The following LRP8 variants were observed in gnomAD, a reference collection of about 807,000 sequenced individuals.
LRP8 encodes the protein LDL receptor related protein 8.
In LRP8, 46 loss-of-function variants were observed where a neutral mutation model predicts 111.6. The observed-to-expected ratio is 0.41, with a 90% CI of 0.33 to 0.53. LRP8 has a LOEUF of 0.53. Ranked by LOEUF, LRP8 falls within the 20% of genes least tolerant of loss-of-function variation. LRP8 has a pLI of 0.20. For synonymous variants in LRP8, 464 were observed against 511.2 expected (o/e 0.91, Z 1.24); for missense variants, 959 against 1,297.4 (o/e 0.74, Z 4.01).
rs1305375389 is a variant in LRP8, at chr1:53,245,957, A to G, written c.*1061T>C. 1.3e-5 allele frequency: 2 copies of G among 152,668 alleles called. No individual in the cohort carries two copies. The highest frequency in any genetic ancestry group is 4.8e-5 in the African/African-American group (2 of 41,464). 9.5% of individuals were successfully genotyped at this position (152,668 alleles called of 1,614,324 possible). ...CACCCTTCAGGGTGCTTCAGAGGAA[A>G]CTTACTGAATTCAACCCAAGTGTCC... On this transcript the variant is annotated 3_prime_UTR_variant, in exon 19 of 19. Coordinates refer to ENST00000306052, the MANE Select transcript of LRP8 (RefSeq NM_004631.5).
intron 6 of LRP8, chr1:53,272,639 G>A (rs779981412): frequency 9.0e-5 from 116 of 1,289,418 alleles, no homozygotes; most frequent in East Asian, 1.1e-4. Flanking sequence ...GAATGTTGGC[G>A]GAACTGAAAG....
In LRP8 at chr1:53,253,029, T is replaced by C. The variant is rs190728578; in HGVS notation, c.2503+2088A>G. On this transcript the variant is annotated intron_variant, in intron 16 of 18. Coordinates refer to ENST00000306052, the MANE Select transcript of LRP8 (RefSeq NM_004631.5). ...AAGTCAGGAGAGAAGTATGGATTAT[T>C]CAATGATGGTTTTGGGGAAACTAGA... Among the ~76,000 whole-genome samples, 23 of 152,310 alleles carry C rather than the reference T, an allele frequency of 1.5e-4. No individual in the cohort carries two copies. The Middle Eastern group carries it at 0.01, about 68-fold the overall frequency.
chr1:53,312,933 C>T (rs932997991), intron 2 of LRP8, among the ~76,000 whole-genome samples: 5 of 152,188 alleles, frequency 3.3e-5, no homozygotes, highest in African/African-American at 7.2e-5. Context: ...ATGAAGTGGG[C>T]GTTTTCGCTG....
rs1448967367 is a variant in LRP8, at chr1:53,294,373, G to C, written c.245-4684C>G. Among the ~76,000 whole-genome samples, 1 of 152,176 alleles carries C rather than the reference G, an allele frequency of 6.6e-6. No individual in the cohort carries two copies. The highest frequency in any genetic ancestry group is 1.5e-5 in the Non-Finnish European group (1 of 68,026). On this transcript the variant is annotated intron_variant, in intron 2 of 18. Transcript: ENST00000306052. This position sits in a 1 kb window ranked among gnomAD's most constrained non-coding sequence, Gnocchi z 4.1. ...TGGGAAATCCAGGACAAAGGAAGTG[G>C]GAAATGCTATTTATAACAAGAACAC...
intron 2 of LRP8, among the ~76,000 whole-genome samples, chr1:53,320,477 T>A (rs1288519): frequency 1.3e-5 from 2 of 151,940 alleles, no homozygotes; most frequent in African/African-American, 4.8e-5. Context: ...TTTCTAAGCC[T>A]GGGTGCGAGG....
In LRP8 at chr1:53,303,300, A is replaced by T. The variant is rs1481974828; in HGVS notation, c.245-13611T>A. ...TGGGTCCAGTGAGGTGGTGGGGAGC[A>T]GCCAGTCCTCACAGGGCCTGTGGGA... On this transcript the variant is annotated intron_variant, in intron 2 of 18. Transcript: ENST00000306052. This position sits in a 1 kb window ranked among gnomAD's most constrained non-coding sequence, Gnocchi z 4.3. Among the ~76,000 whole-genome samples, 2 of 152,196 alleles carry T rather than the reference A, an allele frequency of 1.3e-5. No homozygotes were observed. Among genetic ancestry groups the T allele is most frequent in the African/African-American group, 4.8e-5 (2 of 41,448 alleles).
At position 53,266,432 on chromosome 1, in the gene LRP8, C is replaced by T. The variant is rs1646558699; in HGVS notation, c.1427+41G>A. ...TCCTCACCTGTCACCACCCCTCACC[C>T]CCACTCTTCATGCCTTGCTGCAGAG... is the stretch of plus-strand genomic sequence containing the variant. On this transcript the variant is annotated intron_variant, in intron 9 of 18. Transcript: ENST00000306052. The surrounding 1 kb of genome is among the most constrained non-coding windows in gnomAD (Gnocchi z 5.0). 2 of 1,601,436 alleles carry T rather than the reference C, an allele frequency of 1.2e-6. No homozygotes were observed. Among genetic ancestry groups the T allele is most frequent in the African/African-American group, 2.7e-5 (2 of 74,884 alleles).
In LRP8 at chr1:53,284,239, C is replaced by T. The variant is rs866760606; in HGVS notation, c.368-3524G>A. ...CCGGGCCACTTACCTACTACATACC[C>T]GGGCCACTTACTTACTACATACCCG... On this transcript the variant is annotated intron_variant, in intron 3 of 18. Coordinates refer to ENST00000306052, the MANE Select transcript of LRP8 (RefSeq NM_004631.5). 7.2e-4 allele frequency among the ~76,000 whole-genome samples: 107 copies of T among 148,298 alleles called. No homozygotes were observed. In the Middle Eastern group the frequency reaches 0.01, roughly 15 times the overall value.
intron 14 of LRP8, 126 bp downstream of exon 14, chr1:53,258,193 G>A: frequency 1.0e-6 from 1 of 954,632 alleles, no homozygotes; most frequent in Non-Finnish European, 1.5e-6. Context: ...CCCCCAAAAG[G>A]CAACAAGTAA....
At position 53,260,489 on chromosome 1, in the gene LRP8, G is replaced by A. The variant is rs763004514; in HGVS notation, c.2031C>T (p.Ile677=). The change falls in exon 13 of 19, where the codon ATC becomes ATT. Residue 677 remains isoleucine, a synonymous_variant. Transcript: ENST00000306052. ...CTCTTGGCTGCTTCAGCTCATGGAA[G>A]ATGACAATGTCATGTGGGTTGTTGA... ...ENLNNPHDIV[I]FHELKQPRAP... 6.8e-6 allele frequency: 11 copies of A among 1,614,228 alleles called. No individual in the cohort carries two copies. In the Admixed American group the frequency reaches 1.8e-4, roughly 27 times the overall value.
chr1:53,282,189 C>A (rs1041474086), intron 3 of LRP8, among the ~76,000 whole-genome samples: 53 of 152,188 alleles, frequency 3.5e-4, no homozygotes, highest in African/African-American at 1.3e-3. Flanking sequence ...AGTCAAGGTC[C>A]CTGGACACCA....
At chr1:53,323,548 T>A (rs1308673061) in intron 2 of LRP8, among the ~76,000 whole-genome samples, 3 of 152,184 alleles carry the variant, frequency 2.0e-5, no homozygotes, top group African/African-American at 7.2e-5. Flanking sequence ...CCACCCGACT[T>A]CCCCTGGCTG....
Position 53,245,908 on chromosome 1 carries a change from C to T in LRP8, c.*1110G>A, listed in dbSNP as rs993967900. 2.6e-5 allele frequency: 4 copies of T among 152,644 alleles called. No homozygotes were observed. Among genetic ancestry groups the T allele is most frequent in the African/African-American group, 9.6e-5 (4 of 41,452 alleles). 9.5% of individuals were successfully genotyped at this position (152,644 alleles called of 1,614,324 possible). On this transcript the variant is annotated 3_prime_UTR_variant, in exon 19 of 19. Transcript: ENST00000306052. ...TAAACTTGGGCTGATCTGGAAACGT[C>T]TCCACTTAGCTCTGTAAGGATGGCA...
rs151116938 is a variant in LRP8 at position 53,249,058 on chromosome 1, C to T, written c.2853+322G>A. Among the ~76,000 whole-genome samples the T allele has an allele frequency of 2.0e-3, 312 of 152,326 alleles. 1 individual carries two copies. Among genetic ancestry groups the T allele is most frequent in the Non-Finnish European group, 4.0e-3 (274 of 68,032 alleles). On this transcript the variant is annotated intron_variant, in intron 18 of 18. Coordinates refer to ENST00000306052, the MANE Select transcript of LRP8 (RefSeq NM_004631.5). This position sits in a 1 kb window ranked among gnomAD's most constrained non-coding sequence, Gnocchi z 4.1. ...TGATCTTCAAAAACTGGTCAAGCAA[C>T]TATTTTTTTGGACTGGCCGAGGTTA...
At chr1:53,322,574 G>A (rs1438984406) in intron 2 of LRP8, among the ~76,000 whole-genome samples, 1 of 152,010 alleles carries the variant, frequency 6.6e-6, no homozygotes, top group Non-Finnish European at 1.5e-5. Flanking sequence ...ACAGGAGCAG[G>A]TCACAGAGGG....
chr1:53,266,518 G>T lies in LRP8; in HGVS notation c.1382C>A (p.Thr461Asn). ...GAGGTCACACCAGTAGATGCGATTGGTGGCAACTTCCACATCTAGTGCCAC... is the reference window on the plus strand; with the variant it reads ...GAGGTCACACCAGTAGATGCGATTGTTGGCAACTTCCACATCTAGTGCCAC... ...NVVALDVEVATNRIYWCDLSY... is the reference protein window; with the variant it reads ...NVVALDVEVANNRIYWCDLSY... The change falls in exon 9 of 19, where the codon ACC (threonine) becomes AAC (asparagine). Residue 461 changes from threonine to asparagine, a missense_variant. Transcript: ENST00000306052. The surrounding 1 kb of genome is among the most constrained non-coding windows in gnomAD (Gnocchi z 5.0). 6.2e-7 allele frequency: 1 copy of T among 1,614,222 alleles called. No individual in the cohort carries two copies. Among genetic ancestry groups the T allele is most frequent in the Non-Finnish European group, 8.5e-7 (1 of 1,180,042 alleles).
At chr1:53,311,318 G>A (rs1444184469) in intron 2 of LRP8, among the ~76,000 whole-genome samples, 2 of 152,166 alleles carry the variant, frequency 1.3e-5, no homozygotes, top group Non-Finnish European at 2.9e-5. Flanking sequence ...CATGGGCACG[G>A]CCAGTCCCAG....
intron 2 of LRP8, among the ~76,000 whole-genome samples, chr1:53,304,170 C>T (rs1651520848): frequency 6.6e-6 from 1 of 152,198 alleles, no homozygotes; most frequent in African/African-American, 2.4e-5. Context: ...CCAATTACTC[C>T]AGCCTTCTCA....
chr1:53,261,108 CAT>C (rs766497669), intron 12 of LRP8, among the ~76,000 whole-genome samples: 16 of 152,204 alleles, frequency 1.1e-4, no homozygotes, highest in Non-Finnish European at 2.2e-4. Context: ...GATCTAAACA[CAT>C]ACCCAAATGT....
Sources: allele counts gnomAD v4.1 joint callset (sites outside exome capture counted in the v4.1 genomes callset), GRCh38; gene constraint gnomAD v4.1.1; non-coding constraint Gnocchi (gnomAD v3.1); transcripts MANE v1.5; gene names NCBI Gene and HGNC (gene_info 2026-07-23, HGNC 2026-07-21).